The following CD74 variants were observed in gnomAD, a reference collection of about 807,000 sequenced individuals.
CD74 encodes the protein CD74 molecule.
Under a neutral mutation model 37.1 loss-of-function variants are expected in CD74, and 20 were observed. The observed-to-expected ratio is 0.54, with a 90% CI of 0.38 to 0.78. CD74 has a LOEUF of 0.78. Among genes scored for constraint, CD74 ranks in the 30% least tolerant of loss-of-function variants. The pLI is 0.00. For synonymous variants in CD74, 150 were observed against 152.0 expected (o/e 0.99, Z 0.10); for missense variants, 338 against 389.5 (o/e 0.87, Z 1.11).
intron 5 of CD74, 98 bp from the exon 6 acceptor site, chr5:150,404,865 T>C (rs1769860162): frequency 2.2e-6 from 2 of 915,360 alleles, no homozygotes; most frequent in Non-Finnish European, 3.5e-6. Flanking sequence ...CAGGGCCAAA[T>C]AGGGCCCCAA....
chr5:150,404,650 CTGGCA>C (rs1769842473), intron 6 of CD74, 25 bp downstream of exon 6: 2 of 1,464,880 alleles, frequency 1.4e-6, no homozygotes, highest in African/African-American at 2.8e-5. Context: ...TCCAGAAGCC[CTGGCA>C]CGCTAAAGCT....
At chr5:150,408,771 T>C (rs1031219299) in intron 1 of CD74, among the ~76,000 whole-genome samples, 3 of 152,206 alleles carry the variant, frequency 2.0e-5, no homozygotes, top group Non-Finnish European at 2.9e-5. Flanking sequence ...AAGACCCTAG[T>C]CCAGGTGTTG....
chr5:150,404,327 G>T (rs1459158989), intron 6 of CD74, among the ~76,000 whole-genome samples: 1 of 152,168 alleles, frequency 6.6e-6, no homozygotes, highest in African/African-American at 2.4e-5. Context: ...GGCAGCACTG[G>T]GGCAAGGTCA....
At position 150,402,976 on chromosome 5, in the gene CD74, AG is replaced by A. The variant is rs1249072252; in HGVS notation, c.817+144del. On this transcript the variant is annotated intron_variant, in intron 7 of 8. Coordinates refer to ENST00000009530, the MANE Select transcript of CD74 (RefSeq NM_001025159.3). The surrounding 1 kb of genome is among the most constrained non-coding windows in gnomAD (Gnocchi z 4.2). ...AATGCACAGGTGGGTGGATGGATAA[AG>A]GGCTGGACGCATGACTACGTCACTG... is the stretch of plus-strand genomic sequence containing the variant. 4.5e-5 allele frequency: 29 copies of A among 643,144 alleles called. No homozygotes were observed. The Admixed American group carries it at 7.8e-4, about 17-fold the overall frequency. 39.8% of individuals were successfully genotyped at this position (643,144 alleles called of 1,614,324 possible).
intron 3 of CD74, 34 bp downstream of exon 3, chr5:150,406,847 C>T (rs1170010057): frequency 3.6e-6 from 5 of 1,395,380 alleles, no homozygotes; most frequent in South Asian, 1.5e-5. Context: ...GCGGGATAAC[C>T]TTGCCCCTCC....
chr5:150,409,704 C>CAAAA (rs755621804), intron 1 of CD74, among the ~76,000 whole-genome samples: 12 of 89,546 alleles, frequency 1.3e-4, no homozygotes, highest in African/African-American at 4.3e-4. Context: ...AAAAACATAA[C>CAAAA]AAAAAAAAAA....
At chr5:150,412,519 C>T in intron 1 of CD74, 106 bp downstream of exon 1, 1 of 859,788 alleles carries the variant, frequency 1.2e-6, no homozygotes, top group South Asian at 1.4e-5. Context: ...AGAGTCAGAG[C>T]CTGAATCCCT....
rs753394801 is a variant in CD74 at position 150,406,339 on chromosome 5, A to AC, written c.379-19_379-18insG. 5 of 1,608,366 alleles carry AC rather than the reference A, an allele frequency of 3.1e-6. No individual in the cohort carries two copies. In the East Asian group the frequency reaches 1.1e-4, roughly 36 times the overall value. Reference sequence around the variant, plus strand: ...TGCATGGGCTGTGGGAGGAAGTAACAGAAGGTTACCAGAGCTGGTCCCTGG... The same window carrying AC: ...TGCATGGGCTGTGGGAGGAAGTAACACGAAGGTTACCAGAGCTGGTCCCTGG... On this transcript the variant is annotated intron_variant, in intron 3 of 8. Transcript: ENST00000009530.
At chr5:150,408,957 C>T (rs908013193) in intron 1 of CD74, among the ~76,000 whole-genome samples, 31 of 152,338 alleles carry the variant, frequency 2.0e-4, no homozygotes, top group African/African-American at 7.5e-4. Flanking sequence ...TGGTGACTCA[C>T]GCCTGTAATC....
intron 6 of CD74, 35 bp downstream of exon 6, chr5:150,404,645 A>C (rs1406989875): frequency 7.1e-7 from 1 of 1,416,172 alleles, no homozygotes; most frequent in Admixed American, 2.0e-5. Flanking sequence ...GAGGGTCCAG[A>C]AGCCCTGGCA....
rs983361706 is a variant in CD74 at position 150,407,937 on chromosome 5, G to T, written c.126-613C>A. Among the ~76,000 whole-genome samples the T allele has an allele frequency of 6.6e-6, 1 of 151,878 alleles. No homozygotes were observed. Among genetic ancestry groups the T allele is most frequent in the African/African-American group, 2.4e-5 (1 of 41,350 alleles). On this transcript the variant is annotated intron_variant, in intron 1 of 8. Transcript: ENST00000009530. The surrounding 1 kb of genome is among the most constrained non-coding windows in gnomAD (Gnocchi z 4.4). ...GCCTGGCTAATTATTTTGTATTTTT[G>T]ATAGAGACGGGGTTTCACCGTGGTC...
Position 150,404,786 on chromosome 5 carries a change from G to C in CD74, c.538-19C>G, listed in dbSNP as rs546666593. The C allele has an allele frequency of 6.5e-7, 1 of 1,530,112 alleles. No homozygotes were observed. The highest frequency in any genetic ancestry group is 2.4e-5 in the East Asian group (1 of 41,698). The allele number at this position is 1,530,112 out of a possible 1,614,324, so 94.8% of individuals were successfully genotyped here. ...CAAAGACCTAATACGGATAGAGGTG[G>C]AGGTCAGGTTCGATGGCCACCACCA... On this transcript the variant is annotated intron_variant, in intron 5 of 8. Coordinates refer to ENST00000009530, the MANE Select transcript of CD74 (RefSeq NM_001025159.3).
chr5:150,402,365 G>C lies in CD74; in HGVS notation c.881-115C>G, dbSNP rs2151166404. On this transcript the variant is annotated intron_variant, in intron 8 of 8. Coordinates refer to ENST00000009530, the MANE Select transcript of CD74 (RefSeq NM_001025159.3). This position sits in a 1 kb window ranked among gnomAD's most constrained non-coding sequence, Gnocchi z 4.2. ...GACTGTCCACCCTCCCCTGCCCCCT[G>C]CTCAGGTCCAATAATGACCATCATG... 1.1e-6 allele frequency: 1 copy of C among 898,960 alleles called. No homozygotes were observed. The highest frequency in any genetic ancestry group is 1.8e-6 in the Non-Finnish European group (1 of 547,388). The allele number at this position is 898,960 out of a possible 1,614,324, so 55.7% of individuals were successfully genotyped here. A position where few individuals can be genotyped will look rare whatever the true frequency, so the allele number is the denominator to read the frequency against.
In CD74 at chr5:150,402,105, CGAAA is replaced by C. The variant is rs1769653414; in HGVS notation, c.*131_*134del. The C allele has an allele frequency of 1.3e-6, 2 of 1,545,226 alleles. No homozygotes were observed. Among genetic ancestry groups the C allele is most frequent in the Non-Finnish European group, 8.7e-7 (1 of 1,146,052 alleles). ...CTTGGTTTGTCTTGTCCAAGGGTGA[CGAAA>C]GAGCCAGGCACCAGGGTCTCATGGG... On this transcript the variant is annotated 3_prime_UTR_variant, in exon 9 of 9. Transcript: ENST00000009530. The surrounding 1 kb of genome is among the most constrained non-coding windows in gnomAD (Gnocchi z 4.2).
chr5:150,404,470 C>A (rs2151175748), intron 6 of CD74: 1 of 555,862 alleles, frequency 1.8e-6, no homozygotes, highest in South Asian at 2.1e-5. Flanking sequence ...AACCCTTAGA[C>A]AAGATGGGGG....
intron 1 of CD74, among the ~76,000 whole-genome samples, chr5:150,408,946 G>T (rs1770161702): frequency 6.6e-6 from 1 of 152,218 alleles, no homozygotes; most frequent in Non-Finnish European, 1.5e-5. Flanking sequence ...CAGGCTGGGT[G>T]TGGTGACTCA....
intron 1 of CD74, 53 bp downstream of exon 1, chr5:150,412,572 G>A (rs11739357): frequency 0.12 from 159,933 of 1,347,404 alleles, 10,593 homozygotes; most frequent in East Asian, 0.26. Flanking sequence ...CAGCACATGC[G>A]CACGGCTCTG....
intron 1 of CD74, among the ~76,000 whole-genome samples, chr5:150,412,130 A>G (rs895323395): frequency 6.6e-6 from 1 of 152,106 alleles, no homozygotes; most frequent in African/African-American, 2.4e-5. Context: ...ACATCTGGCT[A>G]ATTTTTGTAT....
rs1250456384 is a variant in CD74 at position 150,403,838 on chromosome 5, G to A, written c.626-526C>T. ...CGCACCACTGCACTCCAGCCTGGGC[G>A]ACAGAGCCAGACTCTATCTCAAAAA... On this transcript the variant is annotated intron_variant, in intron 6 of 8. Coordinates refer to ENST00000009530, the MANE Select transcript of CD74 (RefSeq NM_001025159.3). This position sits in a 1 kb window ranked among gnomAD's most constrained non-coding sequence, Gnocchi z 4.5. 1.3e-5 allele frequency among the ~76,000 whole-genome samples: 2 copies of A among 152,228 alleles called. No individual in the cohort carries two copies. Among genetic ancestry groups the A allele is most frequent in the African/African-American group, 2.4e-5 (1 of 41,460 alleles).
Sources: gnomAD v4.1 joint callset for allele counts (sites outside exome capture counted in the v4.1 genomes callset) on GRCh38, gnomAD v4.1.1 for gene constraint, Gnocchi (gnomAD v3.1) non-coding constraint, MANE v1.5 for transcripts, NCBI Gene and HGNC (gene_info 2026-07-23, HGNC 2026-07-21) for gene names.